The following UXS1 variants were observed in gnomAD, a reference collection of about 807,000 sequenced individuals.
The protein encoded by UXS1 is UDP-glucuronic acid decarboxylase 1.
In UXS1, 33 loss-of-function variants were observed where a neutral mutation model predicts 62.6. The observed-to-expected ratio is 0.53, with a 90% confidence interval of 0.40 to 0.70. The LOEUF (loss-of-function observed/expected upper bound fraction) is 0.70. UXS1 is among the 30% of genes least tolerant of loss of function. The probability of loss-of-function intolerance (pLI) is 0.00; values close to 1 mark genes in which losing one functional copy is unlikely to be tolerated. For synonymous variants in UXS1, 213 were observed against 206.8 expected, an observed-to-expected ratio of 1.03 and a Z score of -0.26; for missense variants, 434 against 556.3, an observed-to-expected ratio of 0.78 and a Z score of 2.21.
chr2:106,181,434 G>A (rs1370225191), intron 1 of UXS1, among the ~76,000 whole-genome samples: 1 of 152,172 alleles, frequency 6.6e-6, no homozygotes, highest in Non-Finnish European at 1.5e-5. Flanking sequence ...GAAAGCTGGG[G>A]CAAGCGGGGC....
At position 106,164,922 on chromosome 2, in the gene UXS1, A is replaced by C. The variant is rs1415715857; in HGVS notation, c.123-123T>G. ...TCCTGCTCAAGTATCAGTCATGTGTACAATTCCCTCCAGAAGGGATGCACC... is the reference window on the plus strand; with the variant it reads ...TCCTGCTCAAGTATCAGTCATGTGTCCAATTCCCTCCAGAAGGGATGCACC... On this transcript the variant is annotated intron_variant, in intron 2 of 14. Transcript: ENST00000283148. 8.9e-6 allele frequency: 6 copies of C among 670,912 alleles called. No individual in the cohort carries two copies. The African/African-American group carries it at 1.1e-4, about 12-fold the overall frequency. 41.6% of individuals were successfully genotyped at this position (670,912 alleles called of 1,614,324 possible). A position where few individuals can be genotyped will look rare whatever the true frequency, so the allele number is the denominator to read the frequency against.
chr2:106,164,476 T>TA (rs1683089776), intron 3 of UXS1, among the ~76,000 whole-genome samples: 1 of 152,184 alleles, frequency 6.6e-6, no homozygotes, highest in Non-Finnish European at 1.5e-5. Context: ...TCCCTTTCTC[T>TA]AAAAAACGCT....
rs1163345434 is a variant in UXS1 at position 106,096,596 on chromosome 2, T to C, written c.1146+122A>G. On this transcript the variant is annotated intron_variant, in intron 14 of 14. Transcript: ENST00000283148. ...ACTTGGAGAAAACCCTCTATCTGCCTGGATGCCGAGCCCACCTTGCTCCTC... is the reference window on the plus strand; with the variant it reads ...ACTTGGAGAAAACCCTCTATCTGCCCGGATGCCGAGCCCACCTTGCTCCTC... The C allele has an allele frequency of 5.3e-6, 4 of 757,800 alleles. No individual in the cohort carries two copies. In the South Asian group the frequency reaches 7.2e-5, roughly 14 times the overall value. The allele number at this position is 757,800 out of a possible 1,614,324, so 46.9% of individuals were successfully genotyped here. A position where few individuals can be genotyped will look rare whatever the true frequency, so the allele number is the denominator to read the frequency against.
intron 1 of UXS1, among the ~76,000 whole-genome samples, chr2:106,186,674 T>G (rs565942069): frequency 1.5e-4 from 23 of 152,274 alleles, no homozygotes; most frequent in African/African-American, 5.1e-4. Context: ...TTTAATTAGC[T>G]GGCTGTGGTG....
chr2:106,187,627 T>C (rs909139345), intron 1 of UXS1, among the ~76,000 whole-genome samples: 1 of 152,032 alleles, frequency 6.6e-6, no homozygotes, highest in Non-Finnish European at 1.5e-5. Context: ...TCTTGTTAAG[T>C]AACACTGACA....
intron 1 of UXS1, among the ~76,000 whole-genome samples, chr2:106,170,110 CCCACTCAGACCTCCACGCTTCG>C (rs936744211): frequency 2.6e-5 from 4 of 152,138 alleles, no homozygotes; most frequent in East Asian, 1.9e-4. Context: ...CCCTTCCTTC[CCCACTCAGACCTCCACGCTTCG>C]CCACTCAGAC....
In UXS1 at chr2:106,190,242, T is replaced by C. The variant is rs80340024; in HGVS notation, c.94+3906A>G. On this transcript the variant is annotated intron_variant, in intron 1 of 14. Transcript: ENST00000283148. ...TGACTCACTAGGAACAGCATTTACA[T>C]AGTCATGCTTGTAAACACTGCATGA... 4.2e-3 allele frequency among the ~76,000 whole-genome samples: 632 copies of C among 152,278 alleles called. 2 individuals carry two copies. Among genetic ancestry groups the C allele is most frequent in the African/African-American group, 0.014 (574 of 41,554 alleles).
At chr2:106,158,531 C>T (rs1383562735) in intron 4 of UXS1, among the ~76,000 whole-genome samples, 1 of 152,114 alleles carries the variant, frequency 6.6e-6, no homozygotes, top group Non-Finnish European at 1.5e-5. Context: ...CTCACAGGCT[C>T]AATTTTTGTT....
At chr2:106,177,319 C>G (rs1683950487) in intron 1 of UXS1, among the ~76,000 whole-genome samples, 1 of 151,314 alleles carries the variant, frequency 6.6e-6, no homozygotes, top group African/African-American at 2.4e-5. Context: ...TCTCAGCCTC[C>G]TGAGTAGCTA....
At chr2:106,178,945 G>C (rs1035917130) in intron 1 of UXS1, among the ~76,000 whole-genome samples, 10 of 152,302 alleles carry the variant, frequency 6.6e-5, no homozygotes, top group Non-Finnish European at 1.2e-4. Flanking sequence ...TTCTCTAACG[G>C]ACAGCAGGGC....
At chr2:106,100,074 G>A (rs963661211) in intron 12 of UXS1, among the ~76,000 whole-genome samples, 2 of 152,338 alleles carry the variant, frequency 1.3e-5, no homozygotes, top group African/African-American at 2.4e-5. Flanking sequence ...AGAGTGTTGT[G>A]TAGGAACCAG....
intron 8 of UXS1, among the ~76,000 whole-genome samples, chr2:106,124,545 G>A (rs1044466241): frequency 1.3e-5 from 2 of 152,188 alleles, no homozygotes; most frequent in Non-Finnish European, 2.9e-5. Flanking sequence ...GGTCAGAGGA[G>A]AGCACCTGGT....
chr2:106,098,749 G>A lies in UXS1; in HGVS notation c.1009C>T (p.Leu337=), dbSNP rs561137482. The A allele has an allele frequency of 9.3e-6, 15 of 1,611,938 alleles. No individual in the cohort carries two copies. The highest frequency in any genetic ancestry group is 3.3e-4 in the Middle Eastern group (2 of 6,058). ...TTTTTAATTAACTGAGCAAATTCTA[G>A]GATTGTGTGTTCTTCTGGGTTCCCC... The part of the protein sequence containing the change: ...NLGNPEEHTI[L]EFAQLIKNLV... Residue 337 remains leucine (L), a synonymous_variant, in exon 13 of 15, where the codon CTA becomes TTA. Transcript: ENST00000283148.
At chr2:106,150,689 C>T (rs1025862163) in intron 5 of UXS1, among the ~76,000 whole-genome samples, 5 of 152,144 alleles carry the variant, frequency 3.3e-5, no homozygotes, top group East Asian at 1.9e-4. Context: ...ACAAATAGCC[C>T]GGGACAGGGT....
chr2:106,111,108 G>A (rs1208616537), intron 10 of UXS1, among the ~76,000 whole-genome samples: 1 of 152,212 alleles, frequency 6.6e-6, no homozygotes, highest in African/African-American at 2.4e-5. Context: ...CCAGCTGCGG[G>A]GTTGAGAGTA....
Position 106,123,103 on chromosome 2 carries a change from GA to G in UXS1, c.638-13del, listed in dbSNP as rs1185725132. 2.5e-6 allele frequency: 4 copies of G among 1,613,382 alleles called. No homozygotes were observed. Among genetic ancestry groups the G allele is most frequent in the Admixed American group, 1.7e-5 (1 of 59,980 alleles). Reference sequence around the variant, plus strand: ...GTGGACTTCAGGATCTACGATGGGAGAAAAGTGAGACTGTTTTCATCTTTCC... The same window carrying G: ...GTGGACTTCAGGATCTACGATGGGAGAAAGTGAGACTGTTTTCATCTTTCC... On this transcript the variant is annotated splice_polypyrimidine_tract_variant and intron_variant, in intron 8 of 14. Coordinates refer to ENST00000283148, the MANE Select transcript of UXS1 (RefSeq NM_001253875.2).
rs115867255 is a variant in UXS1 at position 106,142,021 on chromosome 2, C to T, written c.472+3169G>A. On this transcript the variant is annotated intron_variant, in intron 6 of 14. Transcript: ENST00000283148. ...GAATAGCTGCGACCACAGACATGCA[C>T]AAGCATGCCCAGCTAACTTTTTGTA... Among the ~76,000 whole-genome samples the T allele has an allele frequency of 5.5e-3, 843 of 152,042 alleles. 12 individuals are homozygous for T. Among genetic ancestry groups the T allele is most frequent in the African/African-American group, 0.019 (808 of 41,438 alleles).
intron 9 of UXS1, among the ~76,000 whole-genome samples, chr2:106,121,613 C>A (rs1165184779): frequency 6.6e-6 from 1 of 152,070 alleles, no homozygotes; most frequent in Non-Finnish European, 1.5e-5. Context: ...ATATTCTGGG[C>A]CCCAAAATGA....
At chr2:106,101,485 T>C (rs1426025154) in intron 11 of UXS1, 1 of 183,838 alleles carries the variant, frequency 5.4e-6, no homozygotes, top group Non-Finnish European at 1.1e-5. Context: ...GGAGTTTACA[T>C]AAGTTTCCAA....
Sources: gnomAD v4.1 joint callset for allele counts (sites outside exome capture counted in the v4.1 genomes callset) on GRCh38, gnomAD v4.1.1 for gene constraint, MANE v1.5 for transcripts, NCBI Gene and HGNC (gene_info 2026-07-23, HGNC 2026-07-21) for gene names.